The following MED18 variants were observed in gnomAD, a reference collection of about 807,000 sequenced individuals.
MED18 encodes the protein mediator complex subunit 18.
Under a neutral mutation model 13.9 loss-of-function variants are expected in MED18, and 10 were observed. That is an observed-to-expected ratio of 0.72 (90% CI 0.44 to 1.22). MED18 has a LOEUF of 1.22. MED18 is among the 50% of genes most tolerant of loss of function. The pLI, the probability that MED18 is intolerant of heterozygous loss-of-function variation, is 0.00. For synonymous variants in MED18, 88 were observed against 93.2 expected (o/e 0.94, Z 0.32); for missense variants, 216 against 279.0 (o/e 0.77, Z 1.61).
Position 28,334,913 on chromosome 1 carries a change from A to T in MED18, c.570A>T (p.Ala190=), listed in dbSNP as rs370549785. 1 of 1,614,214 alleles carries T rather than the reference A, an allele frequency of 6.2e-7. No individual in the cohort carries two copies. Among genetic ancestry groups the T allele is most frequent in the African/African-American group, 1.3e-5 (1 of 75,066 alleles). Residue 190 remains alanine (A), a synonymous_variant, in exon 3 of 3, where the codon GCA becomes GCT. Coordinates refer to ENST00000373842, the MANE Select transcript of MED18 (RefSeq NM_017638.3). ...TCTCTGATGACATGAAGAACTTCGC[A>T]GAACAGCTAAAACCTCTGGTTCACC... ...DMVSDDMKNF[A]EQLKPLVHLE...
Position 28,334,532 on chromosome 1 carries a change from G to A in MED18, c.189G>A (p.Gln63=), listed in dbSNP as rs745342218. 17 of 1,614,042 alleles carry A rather than the reference G, an allele frequency of 1.1e-5. No individual in the cohort carries two copies. The South Asian group carries it at 1.4e-4, about 14-fold the overall frequency. Residue 63 remains glutamine, a synonymous_variant, in exon 3 of 3, where the codon CAG becomes CAA. Transcript: ENST00000373842. ...AGATGGTATTCCTCCTTAAGGGCCA[G>A]CAAGCCAGCCCATTTGTTCTCAGGG... ...DHEMVFLLKG[Q]QASPFVLRAR... is the part of the protein sequence containing the mutation.
chr1:28,335,230 T>C lies in MED18; in HGVS notation c.*260T>C. On this transcript the variant is annotated 3_prime_UTR_variant, in exon 3 of 3. Coordinates refer to ENST00000373842, the MANE Select transcript of MED18 (RefSeq NM_017638.3). Reference sequence around the variant, plus strand: ...CTAATTTTTGTATTTTTAGTAGAAATGGGGATTCACCATGTTGGTCAGGCT... The same window carrying C: ...CTAATTTTTGTATTTTTAGTAGAAACGGGGATTCACCATGTTGGTCAGGCT... The C allele has an allele frequency of 5.1e-6, 2 of 388,492 alleles. No individual in the cohort carries two copies. The highest frequency in any genetic ancestry group is 9.5e-6 in the Non-Finnish European group (2 of 211,542). 24.1% of individuals were successfully genotyped at this position (388,492 alleles called of 1,614,324 possible).
Position 28,335,167 on chromosome 1 carries a change from G to T in MED18, c.*197G>T, listed in dbSNP as rs1444329972. 1.8e-6 allele frequency: 1 copy of T among 547,014 alleles called. No homozygotes were observed. The highest frequency in any genetic ancestry group is 3.2e-5 in the East Asian group (1 of 31,662). 33.9% of individuals were successfully genotyped at this position (547,014 alleles called of 1,614,324 possible). A position where few individuals can be genotyped will look rare whatever the true frequency, so the allele number is the denominator to read the frequency against. On this transcript the variant is annotated 3_prime_UTR_variant, in exon 3 of 3. Coordinates refer to ENST00000373842, the MANE Select transcript of MED18 (RefSeq NM_017638.3). ...AGCAATTCTCCCACCTCAGCCTCCT[G>T]AGTAGCTGGGATTACAGGCACATGC...
Position 28,330,510 on chromosome 1 carries a change from A to G in MED18, c.-66-87A>G, listed in dbSNP as rs886827578. ...GAAATACTCAAACGTTTTTGAATGA[A>G]TGAATCTTTGATTTGAAGGCCAGTG... On this transcript the variant is annotated intron_variant, in intron 1 of 2. Transcript: ENST00000373842. The G allele has an allele frequency of 1.1e-5, 6 of 544,784 alleles. No homozygotes were observed. The Admixed American group carries it at 1.2e-4, about 11-fold the overall frequency. 33.7% of individuals were successfully genotyped at this position (544,784 alleles called of 1,614,324 possible). A position where few individuals can be genotyped will look rare whatever the true frequency, so the allele number is the denominator to read the frequency against.
At position 28,333,643 on chromosome 1, in the gene MED18, C is replaced by T. The variant is rs893512180; in HGVS notation, c.74-774C>T. Among the ~76,000 whole-genome samples, 3 of 152,214 alleles carry T rather than the reference C, an allele frequency of 2.0e-5. No homozygotes were observed. The South Asian group carries it at 6.2e-4, about 32-fold the overall frequency. On this transcript the variant is annotated intron_variant, in intron 2 of 2. Coordinates refer to ENST00000373842, the MANE Select transcript of MED18 (RefSeq NM_017638.3). ...TTGGGAGGCTGAGGCAGGCGGATCACGAGGTCAAGAGATCGAGACCATCCT... is the reference window on the plus strand; with the variant it reads ...TTGGGAGGCTGAGGCAGGCGGATCATGAGGTCAAGAGATCGAGACCATCCT...
chr1:28,333,862 A>G (rs954875805), intron 2 of MED18, among the ~76,000 whole-genome samples: 1 of 152,182 alleles, frequency 6.6e-6, no homozygotes, highest in African/African-American at 2.4e-5. Context: ...CCGTCTCAAA[A>G]AAAGCGGGGG....
Position 28,334,937 on chromosome 1 carries a change from C to A in MED18, c.594C>A (p.His198Gln), listed in dbSNP as rs773965580. ...CAGAACAGCTAAAACCTCTGGTTCA[C>A]CTAGAGAAAATAGACCCCAAGAGGC... ...NFAEQLKPLVHLEKIDPKRLM is the reference protein window; with the variant it reads ...NFAEQLKPLVQLEKIDPKRLM Residue 198 changes from histidine (H) to glutamine (Q), a missense_variant, in exon 3 of 3, where the codon CAC (histidine) becomes CAA (glutamine). By Grantham distance (24) the His-to-Gln change is conservative. Transcript: ENST00000373842. The A allele has an allele frequency of 3.1e-6, 5 of 1,614,068 alleles. No individual in the cohort carries two copies. Among genetic ancestry groups the A allele is most frequent in the Non-Finnish European group, 4.2e-6 (5 of 1,179,970 alleles).
chr1:28,333,774 C>T (rs1441209827), intron 2 of MED18, among the ~76,000 whole-genome samples: 3 of 152,244 alleles, frequency 2.0e-5, no homozygotes, highest in South Asian at 2.1e-4. Flanking sequence ...GCAGGAGAAT[C>T]GCTTGAACCC....
intron 2 of MED18, among the ~76,000 whole-genome samples, chr1:28,333,637 G>A (rs1442651097): frequency 3.3e-5 from 5 of 152,240 alleles, no homozygotes; most frequent in Middle Eastern, 3.4e-3. Context: ...TGAGGCAGGC[G>A]GATCACGAGG....
intron 2 of MED18, among the ~76,000 whole-genome samples, chr1:28,332,122 G>C (rs1019337397): frequency 1.3e-5 from 2 of 152,160 alleles, no homozygotes; most frequent in African/African-American, 4.8e-5. Flanking sequence ...CTAAAAAAAT[G>C]TATGTCAAGC....
intron 2 of MED18, among the ~76,000 whole-genome samples, chr1:28,334,034 C>T (rs184726373): frequency 2.6e-5 from 4 of 151,858 alleles, no homozygotes; most frequent in African/African-American, 7.2e-5. Flanking sequence ...TCAAGACCAC[C>T]CTGGGCAACA....
intron 2 of MED18, among the ~76,000 whole-genome samples, chr1:28,333,030 G>T (rs1187534952): frequency 2.0e-5 from 3 of 152,202 alleles, no homozygotes; most frequent in Non-Finnish European, 4.4e-5. Context: ...CTGGTTTTTG[G>T]CCTGGGTAAC....
At chr1:28,331,552 G>C (rs538961974) in intron 2 of MED18, among the ~76,000 whole-genome samples, 8 of 152,120 alleles carry the variant, frequency 5.3e-5, no homozygotes, top group African/African-American at 1.9e-4. Context: ...AACTGATCTT[G>C]AACTCTTGCC....
rs961732882 is a variant in MED18 at position 28,330,736 on chromosome 1, G to A, written c.73+1G>A. ...AACATGATGGAGTACCTGTTGCAGG[G>A]TAAGTGAACTAGGGAACTTGGATTA... is the stretch of plus-strand genomic sequence containing the variant. On this transcript the variant is annotated splice_donor_variant, in intron 2 of 2. Coordinates refer to ENST00000373842, the MANE Select transcript of MED18 (RefSeq NM_017638.3). LOFTEE classifies it high-confidence loss of function. 1.3e-6 allele frequency: 2 copies of A among 1,593,600 alleles called. No homozygotes were observed. Among genetic ancestry groups the A allele is most frequent in the Non-Finnish European group, 1.7e-6 (2 of 1,172,010 alleles).
At position 28,335,220 on chromosome 1, in the gene MED18, T is replaced by G; in HGVS notation, c.*250T>G. ...CCATGCTCAGCTAATTTTTGTATTT[T>G]TAGTAGAAATGGGGATTCACCATGT... On this transcript the variant is annotated 3_prime_UTR_variant, in exon 3 of 3. Transcript: ENST00000373842. 1 of 412,702 alleles carries G rather than the reference T, an allele frequency of 2.4e-6. No homozygotes were observed. Among genetic ancestry groups the G allele is most frequent in the Non-Finnish European group, 4.4e-6 (1 of 226,816 alleles). The allele number at this position is 412,702 out of a possible 1,614,324, so 25.6% of individuals were successfully genotyped here.
In MED18 at chr1:28,330,706, C is replaced by T. The variant is rs1649692414; in HGVS notation, c.44C>T (p.Thr15Ile). ...PVTMMPVTGG[T>I]INMMEYLLQG... Reference sequence around the variant, plus strand: ...ACCATGATGCCTGTCACTGGGGGCACCATTAACATGATGGAGTACCTGTTG... The same window carrying T: ...ACCATGATGCCTGTCACTGGGGGCATCATTAACATGATGGAGTACCTGTTG... The change falls in exon 2 of 3, where the codon ACC (threonine) becomes ATC (isoleucine). Residue 15 changes from threonine (T) to isoleucine (I), a missense_variant. Thr to Ile is a moderately conservative substitution (Grantham distance 89). Coordinates refer to ENST00000373842, the MANE Select transcript of MED18 (RefSeq NM_017638.3). 6.2e-7 allele frequency: 1 copy of T among 1,602,858 alleles called. No individual in the cohort carries two copies. Among genetic ancestry groups the T allele is most frequent in the Admixed American group, 1.7e-5 (1 of 57,716 alleles).
chr1:28,331,193 C>CAA (rs879867932), intron 2 of MED18, among the ~76,000 whole-genome samples: 3 of 93,340 alleles, frequency 3.2e-5, no homozygotes, highest in Non-Finnish European at 4.9e-5. Flanking sequence ...GACTCTGTCT[C>CAA]AAAAAAAAAA....
Position 28,334,452 on chromosome 1 carries a change from C to T in MED18, c.109C>T (p.His37Tyr). The T allele has an allele frequency of 1.9e-6, 3 of 1,614,046 alleles. No individual in the cohort carries two copies. Among genetic ancestry groups the T allele is most frequent in the Non-Finnish European group, 2.5e-6 (3 of 1,179,966 alleles). The part of the protein sequence containing the change: ...VLDHSLESLI[H>Y]RLRGLCDNME... ...AGATCACAGTTTGGAAAGCCTCATC[C>T]ACCGCCTTCGTGGTTTGTGTGACAA... is the stretch of plus-strand genomic sequence containing the variant. Residue 37 changes from histidine to tyrosine, a missense_variant, in exon 3 of 3, where the codon CAC becomes TAC. His to Tyr is a moderately conservative substitution (Grantham distance 83). Coordinates refer to ENST00000373842, the MANE Select transcript of MED18 (RefSeq NM_017638.3).
intron 2 of MED18, among the ~76,000 whole-genome samples, chr1:28,332,203 G>T (rs937529546): frequency 2.6e-5 from 4 of 151,954 alleles, no homozygotes; most frequent in Non-Finnish European, 5.9e-5. Flanking sequence ...GCTTGAGTTC[G>T]GGAATTCAGG....
Sources: allele counts gnomAD v4.1 joint callset (sites outside exome capture counted in the v4.1 genomes callset), GRCh38; gene constraint gnomAD v4.1.1; transcripts MANE v1.5; gene names NCBI Gene and HGNC (gene_info 2026-07-23, HGNC 2026-07-21).